The following ERMP1 variants were observed in gnomAD, a reference collection of about 807,000 sequenced individuals.
ERMP1 encodes the protein endoplasmic reticulum metallopeptidase 1.
In ERMP1, 86 loss-of-function variants were observed where a neutral mutation model predicts 92.0. The ratio of observed to expected loss-of-function variants is 0.93; its 90% CI spans 0.79 to 1.12. The LOEUF (loss-of-function observed/expected upper bound fraction) is 1.12. ERMP1 is among the 50% of genes most tolerant of loss of function. ERMP1 has a pLI of 0.00. For missense variants in ERMP1, 1,342 were observed against 1,116.3 expected (o/e 1.20, Z -2.88); for synonymous variants, 530 against 412.8 (o/e 1.28, Z -3.44).
At chr9:5,841,735 G>A (rs2129734748) in intron 6 of ERMP1, among the ~76,000 whole-genome samples, 1 of 152,336 alleles carries the variant, frequency 6.6e-6, no homozygotes, top group Admixed American at 6.5e-5. Context: ...AGGCTGCAGT[G>A]AGCCAAGATT....
chr9:5,804,523 AAC>A (rs1828796455), intron 10 of ERMP1, among the ~76,000 whole-genome samples: 1 of 152,198 alleles, frequency 6.6e-6, no homozygotes, highest in Admixed American at 6.5e-5. Flanking sequence ...TGGGTGTCAT[AAC>A]AGACTCAATT....
Position 5,850,089 on chromosome 9 carries a change from C to T in ERMP1, n.3199+9379G>A, listed in dbSNP as rs189868931. 3.5e-3 allele frequency among the ~76,000 whole-genome samples: 526 copies of T among 152,266 alleles called. 3 individuals are homozygous for T. Among genetic ancestry groups the T allele is most frequent in the Non-Finnish European group, 4.2e-3 (285 of 68,006 alleles). ...AAAAGGTCACACAGCCTGCTGTTATCAGAGCAGGCCAGGGCCCAGGTCTCC... is the reference window on the plus strand; with the variant it reads ...AAAAGGTCACACAGCCTGCTGTTATTAGAGCAGGCCAGGGCCCAGGTCTCC... On this transcript the variant is annotated intron_variant and non_coding_transcript_variant, in intron 6 of 6. Transcript: ENST00000690753.
intron 5 of ERMP1, among the ~76,000 whole-genome samples, chr9:5,861,017 C>A (rs182013347): frequency 1.3e-5 from 2 of 152,264 alleles, no homozygotes; most frequent in Non-Finnish European, 2.9e-5. Flanking sequence ...GTACTATGAG[C>A]CCATACATTT....
At chr9:5,794,007 A>C (rs764934787) in intron 13 of ERMP1, among the ~76,000 whole-genome samples, 42 of 152,126 alleles carry the variant, frequency 2.8e-4, no homozygotes, top group Non-Finnish European at 5.9e-4. Flanking sequence ...ATACTGCTTG[A>C]AATGGAACAT....
At chr9:5,830,143 G>C (rs759139261) in intron 2 of ERMP1, among the ~76,000 whole-genome samples, 2 of 152,152 alleles carry the variant, frequency 1.3e-5, no homozygotes, top group African/African-American at 2.4e-5. Context: ...GCCCAGGACA[G>C]CTTTGAATGC....
intron 1 of ERMP1, 154 bp downstream of exon 1, chr9:5,832,536 C>A: frequency 3.6e-6 from 2 of 559,628 alleles, no homozygotes; most frequent in East Asian, 7.0e-5. Flanking sequence ...AGAAGAAGGA[C>A]AAGCAAGGTC....
In ERMP1 at chr9:5,832,734, G is replaced by A. The variant is rs1415716061; in HGVS notation, c.294C>T (p.Arg98=). 3 of 1,496,178 alleles carry A rather than the reference G, an allele frequency of 2.0e-6. No individual in the cohort carries two copies. The highest frequency in any genetic ancestry group is 5.7e-5 in the East Asian group (2 of 34,948). 92.7% of individuals were successfully genotyped at this position (1,496,178 alleles called of 1,614,324 possible). ...ACTCCCCGCGGTGTCCAGCGGCCCC[G>A]CGTAGCACGAGCTGCTGCAGCGAGA... ...VQLSLQQLVL[R]GAAGHRGEFD... Residue 98 remains arginine, a synonymous_variant, in exon 1 of 15, where the codon CGC becomes CGT. Transcript: ENST00000339450.
chr9:5,794,593 G>T (rs917884107), intron 13 of ERMP1, among the ~76,000 whole-genome samples: 1 of 151,988 alleles, frequency 6.6e-6, no homozygotes, highest in Non-Finnish European at 1.5e-5. Context: ...AACATTAAAA[G>T]GATAATTAAG....
intron 2 of ERMP1, 145 bp from the exon 3 acceptor site, chr9:5,825,364 C>T (rs1335626375): frequency 2.7e-6 from 2 of 753,612 alleles, no homozygotes; most frequent in Admixed American, 3.1e-5. Flanking sequence ...CATCAGGTGA[C>T]AATCACACCC....
rs950227442 is a variant in ERMP1, at chr9:5,832,823, A to G, written c.205T>C (p.Ser69Pro). 1.1e-5 allele frequency: 17 copies of G among 1,502,952 alleles called. No homozygotes were observed. In the Admixed American group the frequency reaches 1.9e-4, roughly 17 times the overall value. 93.1% of individuals were successfully genotyped at this position (1,502,952 alleles called of 1,614,324 possible). Residue 69 changes from serine (S) to proline (P), a missense_variant, in exon 1 of 15, where the codon TCT becomes CCT. Ser to Pro is a moderately conservative substitution (Grantham distance 74). Coordinates refer to ENST00000339450, the MANE Select transcript of ERMP1 (RefSeq NM_024896.3). ...GASRGAGTGL[S>P]EVRAALGLAL... ...AGCCCCAGCGCGGCGCGCACCTCAG[A>G]CAGCCCGGTCCCCGCGCCCCTGCTC...
intron 2 of ERMP1, 115 bp downstream of exon 2, chr9:5,830,612 G>GA: frequency 1.4e-6 from 1 of 710,150 alleles, no homozygotes; most frequent in Non-Finnish European, 2.3e-6. Flanking sequence ...CCATCACAAA[G>GA]AAAAAAGGTT....
chr9:5,866,162 G>A (rs932335198), intron 5 of ERMP1, among the ~76,000 whole-genome samples: 2 of 152,142 alleles, frequency 1.3e-5, no homozygotes, highest in Non-Finnish European at 2.9e-5. Context: ...TCCATTTTGG[G>A]GGGTAAATTG....
intron 5 of ERMP1, among the ~76,000 whole-genome samples, chr9:5,862,398 T>C (rs1830526076): frequency 6.6e-6 from 1 of 151,702 alleles, no homozygotes; most frequent in Non-Finnish European, 1.5e-5. Context: ...AGTGGTGCAA[T>C]CATAGCTTAT....
intron 6 of ERMP1, among the ~76,000 whole-genome samples, chr9:5,838,495 C>A (rs1357445506): frequency 1.3e-5 from 2 of 151,150 alleles, no homozygotes; most frequent in Non-Finnish European, 2.9e-5. Context: ...AGCGCCACTG[C>A]ACTCCAGCCT....
intron 6 of ERMP1, among the ~76,000 whole-genome samples, chr9:5,854,142 G>A (rs1830343374): frequency 6.6e-6 from 1 of 152,006 alleles, no homozygotes; most frequent in Non-Finnish European, 1.5e-5. Flanking sequence ...GGAGAAAGAA[G>A]CTGCTGTGGG....
At chr9:5,823,148 G>A (rs1210621815) in intron 4 of ERMP1, among the ~76,000 whole-genome samples, 1 of 152,080 alleles carries the variant, frequency 6.6e-6, no homozygotes, top group Non-Finnish European at 1.5e-5. Flanking sequence ...AGCCAGGCGT[G>A]ATAGCAAGCA....
intron 9 of ERMP1, 36 bp downstream of exon 9, chr9:5,805,575 A>T: frequency 6.7e-7 from 1 of 1,499,390 alleles, no homozygotes; most frequent in Non-Finnish European, 8.9e-7. Flanking sequence ...ATTTTAAGGT[A>T]TTCTCCCATG....
At chr9:5,831,967 T>A (rs1829957676) in intron 1 of ERMP1, among the ~76,000 whole-genome samples, 1 of 152,160 alleles carries the variant, frequency 6.6e-6, no homozygotes, top group Admixed American at 6.5e-5. Context: ...TAGCAAAAAC[T>A]TTTTAGAACA....
chr9:5,790,783 G>A (rs1035294974), intron 13 of ERMP1, among the ~76,000 whole-genome samples: 1 of 152,082 alleles, frequency 6.6e-6, no homozygotes, highest in Non-Finnish European at 1.5e-5. Context: ...TACAGGAGGC[G>A]TATAGAAGAT....
Sources: allele counts gnomAD v4.1 joint callset (sites outside exome capture counted in the v4.1 genomes callset), GRCh38; gene constraint gnomAD v4.1.1; transcripts MANE v1.5; gene names NCBI Gene and HGNC (gene_info 2026-07-23, HGNC 2026-07-21).